The following CACNA2D1 variants were observed in gnomAD, a reference collection of about 807,000 sequenced individuals.
CACNA2D1 encodes voltage-dependent calcium channel subunit alpha-2/delta-1.
Under a neutral mutation model 171.5 loss-of-function variants are expected in CACNA2D1, and 53 were observed. The ratio of observed to expected loss-of-function variants is 0.31; its 90% CI spans 0.25 to 0.39. The LOEUF (loss-of-function observed/expected upper bound fraction) is 0.39. Among genes scored for constraint, CACNA2D1 ranks in the 10% least tolerant of loss-of-function variants. The pLI is 1.00. For synonymous variants in CACNA2D1, 442 were observed against 443.1 expected, an observed-to-expected ratio of 1.00 and a Z score of 0.03; for missense variants, 903 against 1,299.8, an observed-to-expected ratio of 0.69 and a Z score of 4.69.
chr7:82,139,944 G>A (rs1415142662), intron 4 of CACNA2D1, among the ~76,000 whole-genome samples: 2 of 101,018 alleles, frequency 2.0e-5, no homozygotes, highest in South Asian at 3.6e-4. Flanking sequence ...AACACACCTG[G>A]CTATTATTAT....
At chr7:82,002,651 T>A (rs1798725874) in intron 18 of CACNA2D1, among the ~76,000 whole-genome samples, 1 of 152,274 alleles carries the variant, frequency 6.6e-6, no homozygotes, top group South Asian at 2.1e-4. Context: ...AAATGAGATA[T>A]CTAATTAAGT....
intron 3 of CACNA2D1, among the ~76,000 whole-genome samples, chr7:82,217,164 C>A (rs1801197372): frequency 1.3e-5 from 2 of 151,542 alleles, no homozygotes; most frequent in South Asian, 4.1e-4. Context: ...TAATTTGTTT[C>A]TCTCAAGCAC....
chr7:82,057,266 C>T (rs1806024867), intron 10 of CACNA2D1, among the ~76,000 whole-genome samples: 1 of 152,110 alleles, frequency 6.6e-6, no homozygotes, highest in Non-Finnish European at 1.5e-5. Flanking sequence ...ATTTTCTCCT[C>T]CACCCCCCTG....
chr7:82,341,218 C>T (rs1818586702), intron 2 of CACNA2D1, among the ~76,000 whole-genome samples: 1 of 152,028 alleles, frequency 6.6e-6, no homozygotes, highest in Admixed American at 6.6e-5. Flanking sequence ...TCAAAGTTCC[C>T]TTAACTAAAC....
chr7:82,032,510 T>C (rs1802831216), intron 12 of CACNA2D1, among the ~76,000 whole-genome samples: 2 of 151,794 alleles, frequency 1.3e-5, no homozygotes, highest in African/African-American at 4.8e-5. Flanking sequence ...TTGATTTCTC[T>C]ATTTTAATAA....
At chr7:82,165,279 T>C (rs1345934929) in intron 4 of CACNA2D1, among the ~76,000 whole-genome samples, 2 of 152,036 alleles carry the variant, frequency 1.3e-5, no homozygotes, top group East Asian at 3.9e-4. Context: ...CATTTATATC[T>C]ACATGTACTT....
Position 82,256,182 on chromosome 7 carries a change from G to A in CACNA2D1, c.294+78953C>T, listed in dbSNP as rs531125993. On this transcript the variant is annotated intron_variant, in intron 3 of 38. Transcript: ENST00000356860. ...TAATAGCCGGGCATGGCGGTGGGGC[G>A]TGGCGGGAGGCTGAGGTGGGAGAAT... is the stretch of plus-strand genomic sequence containing the variant. Among the ~76,000 whole-genome samples, 13 of 152,196 alleles carry A rather than the reference G, an allele frequency of 8.5e-5. No individual in the cohort carries two copies. In the South Asian group the frequency reaches 1.9e-3, roughly 22 times the overall value.
At chr7:82,029,416 T>C (rs1171461708) in intron 12 of CACNA2D1, 1 of 151,774 alleles carries the variant, frequency 6.6e-6, no homozygotes, top group Non-Finnish European at 1.5e-5. Context: ...TCTATTGTGG[T>C]TGTGGTGATC....
At position 82,069,561 on chromosome 7, in the gene CACNA2D1, G is replaced by T. The variant is rs146568507; in HGVS notation, c.659-3037C>A. On this transcript the variant is annotated intron_variant, in intron 7 of 38. Coordinates refer to ENST00000356860, the MANE Select transcript of CACNA2D1 (RefSeq NM_000722.4). ...TCACCTGATACATAGGATGTGTTAC[G>T]GGTGTTATCAAATTGTTGATTTAAG... is the stretch of plus-strand genomic sequence containing the variant. Among the ~76,000 whole-genome samples, 455 of 152,206 alleles carry T rather than the reference G, an allele frequency of 3.0e-3. 1 individual carries two copies. Among genetic ancestry groups the T allele is most frequent in the African/African-American group, 0.011 (438 of 41,548 alleles).
chr7:82,037,170 G>A (rs1803379466), intron 11 of CACNA2D1, among the ~76,000 whole-genome samples: 1 of 152,154 alleles, frequency 6.6e-6, no homozygotes, highest in African/African-American at 2.4e-5. Context: ...AAAAACACTA[G>A]TCCACAGTAT....
Position 82,014,386 on chromosome 7 carries a change from A to C in CACNA2D1, c.1222+15T>G. ...GTTTTTCTTCTAATTTATTAGAAGA[A>C]AACAGATTTGTTACCTTTGTTTTCA... On this transcript the variant is annotated intron_variant, in intron 13 of 38. Transcript: ENST00000356860. 2 of 1,410,876 alleles carry C rather than the reference A, an allele frequency of 1.4e-6. No individual in the cohort carries two copies. Among genetic ancestry groups the C allele is most frequent in the Non-Finnish European group, 2.0e-6 (2 of 994,812 alleles). 87.4% of individuals were successfully genotyped at this position (1,410,876 alleles called of 1,614,324 possible).
chr7:82,377,900 A>G (rs1823204587), intron 1 of CACNA2D1, among the ~76,000 whole-genome samples: 2 of 152,190 alleles, frequency 1.3e-5, no homozygotes, highest in South Asian at 4.1e-4. Context: ...AATATACTAC[A>G]TTTTGGCTTT....
At chr7:81,970,011 T>A in intron 27 of CACNA2D1, 27 bp from the exon 28 acceptor site, 1 of 1,297,972 alleles carries the variant, frequency 7.7e-7, no homozygotes, top group Non-Finnish European at 1.1e-6. Flanking sequence ...TCATCATTTG[T>A]ATTCTTTAAT....
intron 1 of CACNA2D1, among the ~76,000 whole-genome samples, chr7:82,429,477 G>C (rs145362184): frequency 6.6e-6 from 1 of 152,206 alleles, no homozygotes; most frequent in Non-Finnish European, 1.5e-5. Flanking sequence ...TAGAGTCCAG[G>C]AGCCAATTTA....
At chr7:82,075,393 A>C (rs1434353137) in intron 7 of CACNA2D1, among the ~76,000 whole-genome samples, 2 of 152,160 alleles carry the variant, frequency 1.3e-5, no homozygotes, top group African/African-American at 2.4e-5. Context: ...TGGTACACAA[A>C]CATTTAATCC....
intron 3 of CACNA2D1, among the ~76,000 whole-genome samples, chr7:82,250,170 C>A (rs766470554): frequency 2.0e-5 from 3 of 152,174 alleles, no homozygotes; most frequent in Non-Finnish European, 4.4e-5. Flanking sequence ...AGGTCTCCAC[C>A]CTCATTGCCC....
At chr7:81,990,288 G>A (rs1452877688) in intron 21 of CACNA2D1, among the ~76,000 whole-genome samples, 1 of 152,114 alleles carries the variant, frequency 6.6e-6, no homozygotes, top group Non-Finnish European at 1.5e-5. Flanking sequence ...TTTTATGTCT[G>A]TGAAATATAA....
intron 5 of CACNA2D1, among the ~76,000 whole-genome samples, chr7:82,130,964 A>G (rs1465179863): frequency 1.3e-5 from 2 of 151,464 alleles, no homozygotes; most frequent in African/African-American, 2.4e-5. Context: ...GCCTGGCTAA[A>G]TTTTAAAAAA....
chr7:82,354,868 A>T (rs967274984), intron 1 of CACNA2D1, among the ~76,000 whole-genome samples: 1 of 152,068 alleles, frequency 6.6e-6, no homozygotes, highest in Non-Finnish European at 1.5e-5. Context: ...GAAAGTCCTG[A>T]CAATTTCAAG....
Sources: gnomAD v4.1 joint callset for allele counts (sites outside exome capture counted in the v4.1 genomes callset) on GRCh38, gnomAD v4.1.1 for gene constraint, MANE v1.5 for transcripts, NCBI Gene and HGNC (gene_info 2026-07-23, HGNC 2026-07-21) for gene names.